The following LRRC4C variants were observed in gnomAD, a reference collection of about 807,000 sequenced individuals.
LRRC4C encodes the protein leucine rich repeat containing 4C, also known as leucine-rich repeat-containing protein 4C.
LRRC4C carries 5 observed loss-of-function variants against 33.6 expected under a neutral mutation model. The ratio of observed to expected loss-of-function variants is 0.15; its 90% CI spans 0.08 to 0.31. The LOEUF (loss-of-function observed/expected upper bound fraction) is 0.31. Among genes scored for constraint, LRRC4C ranks in the 10% least tolerant of loss-of-function variants. The pLI is 1.00. For synonymous variants in LRRC4C, 329 were observed against 302.0 expected, an observed-to-expected ratio of 1.09 and a Z score of -0.93; for missense variants, 560 against 796.7, an observed-to-expected ratio of 0.70 and a Z score of 3.58.
intron 2 of LRRC4C, among the ~76,000 whole-genome samples, chr11:40,835,063 G>A (rs1952609726): frequency 6.6e-6 from 1 of 152,012 alleles, no homozygotes; most frequent in African/African-American, 2.4e-5. Flanking sequence ...GTCCCAAACT[G>A]TAGGACTATA....
chr11:41,060,076 C>G (rs1019545865), intron 1 of LRRC4C, among the ~76,000 whole-genome samples: 2 of 152,124 alleles, frequency 1.3e-5, no homozygotes, highest in African/African-American at 4.8e-5. Context: ...TTCATTTCAA[C>G]AAGATCCTCA....
chr11:40,839,395 A>C (rs886709534), intron 2 of LRRC4C, among the ~76,000 whole-genome samples: 1 of 151,900 alleles, frequency 6.6e-6, no homozygotes, highest in African/African-American at 2.4e-5. Flanking sequence ...ACAGACACCC[A>C]CCACCATGCC....
intron 4 of LRRC4C, among the ~76,000 whole-genome samples, chr11:40,257,505 G>A (rs980265980): frequency 1.3e-5 from 2 of 152,000 alleles, no homozygotes; most frequent in African/African-American, 4.8e-5. Flanking sequence ...TCCTCCATGT[G>A]GCCATGTGCT....
At chr11:40,236,631 G>A (rs1865579284) in intron 5 of LRRC4C, among the ~76,000 whole-genome samples, 1 of 151,880 alleles carries the variant, frequency 6.6e-6, no homozygotes, top group Admixed American at 6.6e-5. Context: ...GGTCCCTGAG[G>A]CACCCCCCTC....
chr11:40,911,887 T>C (rs1000434225), intron 2 of LRRC4C, among the ~76,000 whole-genome samples: 5 of 152,140 alleles, frequency 3.3e-5, no homozygotes, highest in Non-Finnish European at 5.9e-5. Context: ...GCACAAGAAC[T>C]ACGTGATGAA....
intron 1 of LRRC4C, among the ~76,000 whole-genome samples, chr11:41,437,383 T>C (rs556725277): frequency 6.6e-6 from 1 of 150,824 alleles, no homozygotes; most frequent in East Asian, 2.0e-4. Context: ...TCTCTCTTGC[T>C]CATTAAGACA....
chr11:40,589,541 G>C (rs1400675195), intron 3 of LRRC4C, among the ~76,000 whole-genome samples: 1 of 149,840 alleles, frequency 6.7e-6, no homozygotes. Flanking sequence ...TGGTTATTTT[G>C]CTCGTTAGTT....
intron 1 of LRRC4C, among the ~76,000 whole-genome samples, chr11:41,369,034 T>G (rs1952647538): frequency 6.6e-6 from 1 of 152,178 alleles, no homozygotes; most frequent in South Asian, 2.1e-4. Context: ...TAAATGGAAA[T>G]CATTCCCTCT....
At chr11:40,513,936 G>A (rs748547233) in intron 3 of LRRC4C, among the ~76,000 whole-genome samples, 8 of 152,176 alleles carry the variant, frequency 5.3e-5, no homozygotes, top group Non-Finnish European at 1.0e-4. Flanking sequence ...AGGCAGGCAA[G>A]ACAAAGAGCC....
chr11:40,132,092 T>C (rs1389752070), intron 6 of LRRC4C, among the ~76,000 whole-genome samples: 1 of 152,214 alleles, frequency 6.6e-6, no homozygotes, highest in African/African-American at 2.4e-5. Context: ...AAGAGATTTA[T>C]GGCTGCAAAA....
chr11:40,543,220 A>T (rs1170477694), intron 3 of LRRC4C, among the ~76,000 whole-genome samples: 1 of 152,048 alleles, frequency 6.6e-6, no homozygotes, highest in Non-Finnish European at 1.5e-5. Flanking sequence ...CTGAAAGTCC[A>T]CATTTTGAGG....
intron 2 of LRRC4C, among the ~76,000 whole-genome samples, chr11:40,853,500 C>A (rs1264687371): frequency 6.6e-6 from 1 of 150,716 alleles, no homozygotes; most frequent in Non-Finnish European, 1.5e-5. Context: ...CCAGGTCATT[C>A]AGGTTTTGGT....
At chr11:40,138,170 CTTT>C (rs61229648) in intron 6 of LRRC4C, among the ~76,000 whole-genome samples, 2 of 141,716 alleles carry the variant, frequency 1.4e-5, no homozygotes, top group African/African-American at 5.1e-5. Context: ...GACATTTTTT[CTTT>C]TTTTTTTTTT....
intron 2 of LRRC4C, among the ~76,000 whole-genome samples, chr11:40,786,331 T>C (rs117064005): frequency 0.011 from 1,731 of 152,344 alleles, 14 homozygotes; most frequent in Non-Finnish European, 0.018. Context: ...GAGCAGATGC[T>C]TGAGATATGC....
At chr11:41,159,528 A>AT (rs1944376407) in intron 1 of LRRC4C, among the ~76,000 whole-genome samples, 2 of 152,202 alleles carry the variant, frequency 1.3e-5, no homozygotes, top group East Asian at 1.9e-4. Flanking sequence ...GAGCAGACAG[A>AT]TTTTTTAAAA....
intron 1 of LRRC4C, among the ~76,000 whole-genome samples, chr11:41,020,904 T>G (rs1401901993): frequency 6.6e-6 from 1 of 152,116 alleles, no homozygotes; most frequent in Non-Finnish European, 1.5e-5. Flanking sequence ...TCTTCTATTC[T>G]TTGCCTAGTT....
intron 5 of LRRC4C, among the ~76,000 whole-genome samples, chr11:40,158,552 C>A: frequency 2.1e-5 from 3 of 141,138 alleles, no homozygotes; most frequent in South Asian, 2.3e-4. Context: ...TTTAAAATAG[C>A]ATTATTAGAG....
At chr11:40,524,397 C>T (rs1955953020) in intron 3 of LRRC4C, among the ~76,000 whole-genome samples, 1 of 152,002 alleles carries the variant, frequency 6.6e-6, no homozygotes, top group African/African-American at 2.4e-5. Flanking sequence ...ATTAAATTAC[C>T]ATTATTATCC....
chr11:40,747,921 C>A (rs1027309940), intron 2 of LRRC4C, among the ~76,000 whole-genome samples: 4 of 151,930 alleles, frequency 2.6e-5, no homozygotes, highest in Non-Finnish European at 4.4e-5. Flanking sequence ...CATAAAGTGA[C>A]CAAATCTTTA....
Sources: allele counts gnomAD v4.1 joint callset (sites outside exome capture counted in the v4.1 genomes callset), GRCh38; gene constraint gnomAD v4.1.1; transcripts MANE v1.5; gene names NCBI Gene and HGNC (gene_info 2026-07-23, HGNC 2026-07-21).